Variants in TRABD2B observed in about 807,000 individuals in gnomAD.
The protein encoded by TRABD2B is metalloprotease TIKI2.
In TRABD2B, 14 loss-of-function variants were observed where a neutral mutation model predicts 40.1. That is an observed-to-expected ratio of 0.35 (90% CI 0.23 to 0.55). The LOEUF is 0.55. Ranked by LOEUF, TRABD2B falls within the 20% of genes least tolerant of loss-of-function variation. The probability of loss-of-function intolerance (pLI) is 0.90; values close to 1 mark genes in which losing one functional copy is unlikely to be tolerated. For synonymous variants in TRABD2B, 263 were observed against 277.0 expected (o/e 0.95, Z 0.50); for missense variants, 541 against 648.6 (o/e 0.83, Z 1.80).
chr1:47,932,944 T>C (rs996221607), intron 2 of TRABD2B, among the ~76,000 whole-genome samples: 3 of 152,188 alleles, frequency 2.0e-5, no homozygotes, highest in East Asian at 1.9e-4. Flanking sequence ...GCTTGGGTCA[T>C]GTGATCTGCT....
At chr1:47,860,712 G>C (rs376542515) in intron 2 of TRABD2B, among the ~76,000 whole-genome samples, 3 of 152,148 alleles carry the variant, frequency 2.0e-5, no homozygotes, top group Non-Finnish European at 4.4e-5. Context: ...GAAGTGTTTT[G>C]GTCATGGGGG....
At position 47,990,771 on chromosome 1, in the gene TRABD2B, TTATATATATATA is replaced by T. The variant is rs55649435; in HGVS notation, c.666+3251_666+3262del. Among the ~76,000 whole-genome samples, 70 of 36,536 alleles carry T rather than the reference TTATATATATATA, an allele frequency of 1.9e-3. 3 individuals are homozygous for T. The highest frequency in any genetic ancestry group is 2.6e-3 in the Non-Finnish European group (50 of 19,368). The allele number at this position is 36,536 out of a possible 152,430, so 24.0% of individuals were successfully genotyped here. A position where few individuals can be genotyped will look rare whatever the true frequency, so the allele number is the denominator to read the frequency against. On this transcript the variant is annotated intron_variant, in intron 2 of 6. Coordinates refer to ENST00000606738, the MANE Select transcript of TRABD2B (RefSeq NM_001194986.2). Reference sequence around the variant, plus strand: ...AGTTGTTGGTTTTAAAACGTTGGTTTTATATATATATATATATATATATATATATATATATAT... The same window carrying T: ...AGTTGTTGGTTTTAAAACGTTGGTTTTATATATATATATATATATATATAT...
intron 2 of TRABD2B, among the ~76,000 whole-genome samples, chr1:47,959,080 A>G (rs1452191442): frequency 6.6e-6 from 1 of 152,226 alleles, no homozygotes; most frequent in African/African-American, 2.4e-5. Flanking sequence ...GCTCAACTAC[A>G]TGGAAACTGA....
chr1:47,914,577 G>A (rs1053318727), intron 2 of TRABD2B, among the ~76,000 whole-genome samples: 1 of 152,238 alleles, frequency 6.6e-6, no homozygotes, highest in African/African-American at 2.4e-5. Flanking sequence ...GAAATCTGGG[G>A]TGAGTGCTGG....
chr1:47,859,034 T>C (rs1220661331), intron 2 of TRABD2B, among the ~76,000 whole-genome samples: 1 of 152,170 alleles, frequency 6.6e-6, no homozygotes, highest in African/African-American at 2.4e-5. Context: ...TTGAGCCTGC[T>C]TAGGGGTGGT....
chr1:47,919,948 C>A (rs1426761786), intron 2 of TRABD2B, among the ~76,000 whole-genome samples: 1 of 152,120 alleles, frequency 6.6e-6, no homozygotes, highest in Non-Finnish European at 1.5e-5. Flanking sequence ...AGTGATTGTT[C>A]CTTTAGGTAA....
At chr1:47,840,023 GT>G (rs1239802980) in intron 2 of TRABD2B, among the ~76,000 whole-genome samples, 1 of 152,182 alleles carries the variant, frequency 6.6e-6, no homozygotes, top group African/African-American at 2.4e-5. Flanking sequence ...CCTGGAGAGT[GT>G]TTACCTCCTC....
At chr1:47,988,389 G>C (rs1645951844) in intron 2 of TRABD2B, among the ~76,000 whole-genome samples, 1 of 152,198 alleles carries the variant, frequency 6.6e-6, no homozygotes, top group Non-Finnish European at 1.5e-5. Context: ...GGCAGGCAAA[G>C]ACACATTTCG....
At chr1:47,808,141 C>T (rs780804398) in intron 2 of TRABD2B, among the ~76,000 whole-genome samples, 1 of 152,304 alleles carries the variant, frequency 6.6e-6, no homozygotes, top group Non-Finnish European at 1.5e-5. Context: ...GAAGGCCTTA[C>T]TAGAAAAAAT....
At chr1:47,796,619 C>T (rs569545741) in intron 3 of TRABD2B, among the ~76,000 whole-genome samples, 3 of 152,306 alleles carry the variant, frequency 2.0e-5, no homozygotes, top group Admixed American at 6.5e-5. Flanking sequence ...AAGGTACATG[C>T]ACCATGGGGC....
intron 2 of TRABD2B, among the ~76,000 whole-genome samples, chr1:47,805,711 G>A (rs1055010228): frequency 4.6e-5 from 7 of 151,984 alleles, no homozygotes; most frequent in Non-Finnish European, 7.4e-5. Context: ...CCAGGATTAC[G>A]ATGTTTATTG....
At chr1:47,916,628 T>C (rs926823766) in intron 2 of TRABD2B, among the ~76,000 whole-genome samples, 2 of 152,152 alleles carry the variant, frequency 1.3e-5, no homozygotes, top group African/African-American at 4.8e-5. Flanking sequence ...CAGGAGAAAT[T>C]TCTGCACATT....
At chr1:47,918,282 G>A (rs1644855878) in intron 2 of TRABD2B, among the ~76,000 whole-genome samples, 1 of 152,186 alleles carries the variant, frequency 6.6e-6, no homozygotes, top group Admixed American at 6.5e-5. Context: ...CCTGCACATG[G>A]CAACTGTGCT....
intron 2 of TRABD2B, among the ~76,000 whole-genome samples, chr1:47,832,146 T>C (rs11580312): frequency 0.023 from 3,562 of 152,150 alleles, 109 homozygotes; most frequent in Admixed American, 0.089. Context: ...TCTTGGCTAA[T>C]GTGGTGAAGC....
chr1:47,893,547 T>G (rs1016353167), intron 2 of TRABD2B, among the ~76,000 whole-genome samples: 8 of 152,228 alleles, frequency 5.3e-5, no homozygotes, highest in Non-Finnish European at 1.5e-5. Context: ...GTAGGTTCTC[T>G]TTACAGCCAT....
At chr1:47,868,189 A>G (rs577283350) in intron 2 of TRABD2B, among the ~76,000 whole-genome samples, 1 of 152,336 alleles carries the variant, frequency 6.6e-6, no homozygotes, top group African/African-American at 2.4e-5. Flanking sequence ...TCATTCTTCA[A>G]TTTAAAATGA....
intron 2 of TRABD2B, among the ~76,000 whole-genome samples, chr1:47,828,409 G>T (rs1645205093): frequency 1.3e-5 from 2 of 152,128 alleles, no homozygotes; most frequent in Admixed American, 6.5e-5. Context: ...CACATCACTT[G>T]CCCCTCCTGT....
intron 2 of TRABD2B, among the ~76,000 whole-genome samples, chr1:47,926,999 A>T (rs1415527501): frequency 2.0e-5 from 3 of 152,250 alleles, no homozygotes; most frequent in African/African-American, 7.2e-5. Flanking sequence ...CACAGGCACT[A>T]TGGTAGGCAA....
At position 47,909,794 on chromosome 1, in the gene TRABD2B, C is replaced by CTCCT. The variant is rs1160003381; in HGVS notation, c.666+84239_666+84240insAGGA. Among the ~76,000 whole-genome samples the CTCCT allele has an allele frequency of 0.032, 5 of 154 alleles. 1 individual carries two copies. The South Asian group carries it at 0.36, about 11-fold the overall frequency. 0.1% of individuals were successfully genotyped at this position (154 alleles called of 152,430 possible). A position where few individuals can be genotyped will look rare whatever the true frequency, so the allele number is the denominator to read the frequency against. On this transcript the variant is annotated intron_variant, in intron 2 of 6. Coordinates refer to ENST00000606738, the MANE Select transcript of TRABD2B (RefSeq NM_001194986.2). ...CCCCTCCCCTCCCCTCCCCATCCCC[C>CTCCT]CCCCCCTTCCTCCCTTCCTTCCTTC...
Sources: gnomAD v4.1 joint callset for allele counts (sites outside exome capture counted in the v4.1 genomes callset) on GRCh38, gnomAD v4.1.1 for gene constraint, MANE v1.5 for transcripts, NCBI Gene and HGNC (gene_info 2026-07-23, HGNC 2026-07-21) for gene names.